ALDH18A1: variants seen among roughly 807,000 people sequenced by gnomAD.
ALDH18A1 encodes delta-1-pyrroline-5-carboxylate synthase.
ALDH18A1 carries 44 observed loss-of-function variants against 88.8 expected under a neutral mutation model. The observed-to-expected ratio is 0.50, with a 90% CI of 0.39 to 0.64. ALDH18A1 has a LOEUF of 0.64. Among genes scored for constraint, ALDH18A1 ranks in the 30% least tolerant of loss-of-function variants. ALDH18A1 has a pLI of 0.00. For missense variants in ALDH18A1, 782 were observed against 1,009.5 expected (o/e 0.77, Z 3.05); for synonymous variants, 331 against 372.1 (o/e 0.89, Z 1.27).
intron 7 of ALDH18A1, among the ~76,000 whole-genome samples, chr10:95,632,334 A>C (rs2097871729): frequency 1.1e-4 from 16 of 152,196 alleles, no homozygotes; most frequent in Admixed American, 1.0e-3. Flanking sequence ...AATTATGTGA[A>C]TATACTAAAA....
At chr10:95,652,731 GAAA>G (rs1027384548) in intron 2 of ALDH18A1, among the ~76,000 whole-genome samples, 1 of 139,988 alleles carries the variant, frequency 7.1e-6, no homozygotes, top group African/African-American at 2.6e-5. Context: ...TGAGACTCAA[GAAA>G]AAAAAAAAGC....
chr10:95,648,288 G>A (rs943759890), intron 2 of ALDH18A1, among the ~76,000 whole-genome samples: 6 of 151,834 alleles, frequency 4.0e-5, no homozygotes, highest in African/African-American at 1.5e-4. Flanking sequence ...GAGAGCAGAG[G>A]AAAAATAGTT....
chr10:95,620,972 C>T, intron 12 of ALDH18A1, 59 bp downstream of exon 12: 1 of 1,501,630 alleles, frequency 6.7e-7, no homozygotes, highest in Admixed American at 1.7e-5. Flanking sequence ...TATTCTTCCT[C>T]CAATATCCAC....
At chr10:95,645,613 A>G (rs2097900016) in intron 2 of ALDH18A1, among the ~76,000 whole-genome samples, 1 of 152,102 alleles carries the variant, frequency 6.6e-6, no homozygotes, top group Admixed American at 6.5e-5. Flanking sequence ...AGTAATAGTC[A>G]TTTCTGCCTT....
chr10:95,648,857 C>T (rs906687372), intron 2 of ALDH18A1, among the ~76,000 whole-genome samples: 4 of 152,190 alleles, frequency 2.6e-5, no homozygotes, highest in Admixed American at 6.5e-5. Context: ...GTCCAAAATA[C>T]CATCCCACAG....
intron 7 of ALDH18A1, among the ~76,000 whole-genome samples, chr10:95,630,584 AC>A (rs66460550): frequency 0.28 from 41,997 of 151,998 alleles, 6,759 homozygotes; most frequent in Admixed American, 0.4. Context: ...GATAGCGCAC[AC>A]CTGTAATCCC....
At chr10:95,648,036 A>G (rs12768006) in intron 2 of ALDH18A1, among the ~76,000 whole-genome samples, 20,049 of 152,210 alleles carry the variant, frequency 0.13, 1,924 homozygotes, top group East Asian at 0.48. Context: ...TAGCAAATCA[A>G]TCAAGCCCAA....
intron 12 of ALDH18A1, among the ~76,000 whole-genome samples, chr10:95,617,932 G>C (rs969918200): frequency 2.0e-5 from 3 of 152,232 alleles, no homozygotes; most frequent in Admixed American, 1.3e-4. Context: ...TAGTGTGCCA[G>C]CATCAGCCAG....
In ALDH18A1 at chr10:95,613,734, A is replaced by G. The variant is rs1322350055; in HGVS notation, c.1923+8T>C. The G allele has an allele frequency of 1.9e-6, 3 of 1,614,022 alleles. No individual in the cohort carries two copies. Among genetic ancestry groups the G allele is most frequent in the Non-Finnish European group, 2.5e-6 (3 of 1,179,998 alleles). ...GGAAGTAATGTACTAGTCCTATGGA[A>G]CTCTTACCTGTTCCACTCTCAGCAT... On this transcript the variant is annotated splice_region_variant and intron_variant, in intron 15 of 17. Coordinates refer to ENST00000371224, the MANE Select transcript of ALDH18A1 (RefSeq NM_002860.4).
chr10:95,650,608 G>A lies in ALDH18A1; in HGVS notation c.88+2682C>T, dbSNP rs571099466. On this transcript the variant is annotated intron_variant, in intron 2 of 17. Coordinates refer to ENST00000371224, the MANE Select transcript of ALDH18A1 (RefSeq NM_002860.4). ...TGGCCATCTGATTTTGCACACAACA[G>A]CTCCCCTTCATCCTCTTCCAAGAGC... Among the ~76,000 whole-genome samples, 6 of 152,254 alleles carry A rather than the reference G, an allele frequency of 3.9e-5. No individual in the cohort carries two copies. The South Asian group carries it at 1.2e-3, about 32-fold the overall frequency.
At chr10:95,643,309 T>C (rs2097895466) in intron 2 of ALDH18A1, 103 bp from the exon 3 acceptor site, 3 of 1,132,514 alleles carry the variant, frequency 2.6e-6, no homozygotes, top group East Asian at 2.5e-5. Flanking sequence ...TACCAAAAAA[T>C]AGCATTATCA....
intron 1 of ALDH18A1, among the ~76,000 whole-genome samples, chr10:95,654,220 A>T (rs376868841): frequency 6.7e-6 from 1 of 150,218 alleles, no homozygotes; most frequent in East Asian, 2.0e-4. Flanking sequence ...GCTGGAGTAC[A>T]ATGGAGCGAT....
At chr10:95,622,461 C>CA (rs748661556) in intron 11 of ALDH18A1, among the ~76,000 whole-genome samples, 1 of 152,156 alleles carries the variant, frequency 6.6e-6, no homozygotes, top group African/African-American at 2.4e-5. Context: ...CTCCACTTCC[C>CA]AAAGTGCTGG....
intron 12 of ALDH18A1, 39 bp downstream of exon 12, chr10:95,620,992 C>T (rs1192349530): frequency 6.9e-6 from 11 of 1,587,464 alleles, no homozygotes; most frequent in Non-Finnish European, 9.5e-6. Context: ...CACCAGCCCC[C>T]AATGGCAGGG....
Position 95,606,864 on chromosome 10 carries a change from C to T in ALDH18A1, c.2286G>A (p.Trp762Ter). 6.2e-7 allele frequency: 1 copy of T among 1,614,216 alleles called. No homozygotes were observed. The highest frequency in any genetic ancestry group is 8.5e-7 in the Non-Finnish European group (1 of 1,180,038). ...VGLEGLLTTK[W>*]LLRGKDHVVS... ...CCACGTGGTCCTTCCCTCGCAGCAG[C>T]CACTTAGTAGTAAGCAGTCCCTCAA... The change falls in exon 18 of 18, where the codon TGG (tryptophan) becomes TGA (stop). Residue 762 changes from tryptophan to a stop codon, truncating the protein, a stop_gained. Transcript: ENST00000371224. LOFTEE classifies it high-confidence loss of function.
intron 3 of ALDH18A1, among the ~76,000 whole-genome samples, chr10:95,637,988 CA>C (rs1258857274): frequency 2.7e-5 from 4 of 146,786 alleles, no homozygotes; most frequent in African/African-American, 1.1e-4. Flanking sequence ...ACAACAACAA[CA>C]ACAACAACAA....
At chr10:95,626,246 G>C (rs1293239539) in intron 10 of ALDH18A1, among the ~76,000 whole-genome samples, 1 of 151,944 alleles carries the variant, frequency 6.6e-6, no homozygotes. Flanking sequence ...GCTTCTACTT[G>C]ACCTCCTCAC....
chr10:95,641,983 G>A (rs1157332104), intron 3 of ALDH18A1, among the ~76,000 whole-genome samples: 3 of 152,150 alleles, frequency 2.0e-5, no homozygotes, highest in African/African-American at 7.2e-5. Context: ...TTGTTGCTCA[G>A]GCTTGATAAT....
At chr10:95,621,448 T>G (rs1589503989) in intron 11 of ALDH18A1, among the ~76,000 whole-genome samples, 197 bp from the exon 12 acceptor site, 1 of 151,838 alleles carries the variant, frequency 6.6e-6, no homozygotes, top group African/African-American at 2.4e-5. Context: ...GCCTCCTTAG[T>G]AGCTGGGACT....
Sources: gnomAD v4.1 joint callset for allele counts (sites outside exome capture counted in the v4.1 genomes callset) on GRCh38, gnomAD v4.1.1 for gene constraint, MANE v1.5 for transcripts, NCBI Gene and HGNC (gene_info 2026-07-23, HGNC 2026-07-21) for gene names.